Variants in OR5K1 observed in about 807,000 individuals in gnomAD.
The protein encoded by OR5K1 is olfactory receptor 5K1.
In OR5K1, 7 loss-of-function variants were observed where a neutral mutation model predicts 10.4. That is an observed-to-expected ratio of 0.67 (90% CI 0.38 to 1.26). The LOEUF (loss-of-function observed/expected upper bound fraction) is 1.26. Among genes scored for constraint, OR5K1 ranks in the 50% most tolerant of loss-of-function variants. OR5K1 has a pLI of 0.02. For missense variants in OR5K1, 435 were observed against 366.2 expected (o/e 1.19, Z -1.53); for synonymous variants, 135 against 128.5 (o/e 1.05, Z -0.34).
In OR5K1 at chr3:98,469,690, C is replaced by G; in HGVS notation, c.114C>G (p.Thr38=). 2 of 1,613,682 alleles carry G rather than the reference C, an allele frequency of 1.2e-6. No individual in the cohort carries two copies. Among genetic ancestry groups the G allele is most frequent in the South Asian group, 2.2e-5 (2 of 91,064 alleles). Residue 38 remains threonine (T), a synonymous_variant, in exon 2 of 2, where the codon ACC becomes ACG. Transcript: ENST00000642057. ...FVVFFAIYLI[T]VVGNISLVAL... ...TGTTCTTTGCCATCTATCTGATCAC[C>G]GTGGTGGGGAATATTAGTTTGGTGG...
rs1280956386 is a variant in OR5K1, at chr3:98,472,321, GCAT to G, written c.*1822_*1824del. 2 of 151,818 alleles carry G rather than the reference GCAT, an allele frequency of 1.3e-5. No homozygotes were observed. The highest frequency in any genetic ancestry group is 4.8e-5 in the African/African-American group (2 of 41,370). The allele number at this position is 151,818 out of a possible 1,614,324, so 9.4% of individuals were successfully genotyped here. On this transcript the variant is annotated 3_prime_UTR_variant, in exon 2 of 2. Transcript: ENST00000642057. Reference sequence around the variant, plus strand: ...CAGTGGGTCCAGGAAATGTTGAAATGCATCATTTTTGCACTTCCGATGCTACAC... The same window carrying G: ...CAGTGGGTCCAGGAAATGTTGAAATGCATTTTTGCACTTCCGATGCTACAC...
chr3:98,469,757 A>T lies in OR5K1; in HGVS notation c.181A>T (p.Ile61Phe). Reference sequence around the variant, plus strand: ...CCGTCGGCTTCACACACCAATGTACATCTTTCTGGGAAATCTGGCTCTTGT... The same window carrying T: ...CCGTCGGCTTCACACACCAATGTACTTCTTTCTGGGAAATCTGGCTCTTGT... ...THRRLHTPMY[I>F]FLGNLALVDS... The change falls in exon 2 of 2, where the codon ATC becomes TTC. Residue 61 changes from isoleucine (I) to phenylalanine (F), a missense_variant. Coordinates refer to ENST00000642057, the MANE Select transcript of OR5K1 (RefSeq NM_001004736.4). 1 of 1,613,788 alleles carries T rather than the reference A, an allele frequency of 6.2e-7. No homozygotes were observed.
rs1312974506 is a variant in OR5K1 at position 98,471,421 on chromosome 3, C to G, written c.*918C>G. ...TTTATCTAATTTTTTTTTCTTTTCA[C>G]TATTGCAAAACCTGAAGTTGGTATT... On this transcript the variant is annotated 3_prime_UTR_variant, in exon 2 of 2. Transcript: ENST00000642057. The G allele has an allele frequency of 6.6e-6, 1 of 151,744 alleles. No individual in the cohort carries two copies. Among genetic ancestry groups the G allele is most frequent in the African/African-American group, 2.4e-5 (1 of 41,324 alleles). The allele number at this position is 151,744 out of a possible 1,614,324, so 9.4% of individuals were successfully genotyped here. A position where few individuals can be genotyped will look rare whatever the true frequency, so the allele number is the denominator to read the frequency against.
intron 1 of OR5K1, among the ~76,000 whole-genome samples, chr3:98,468,530 T>C (rs958011847): frequency 1.3e-5 from 2 of 152,106 alleles, no homozygotes; most frequent in South Asian, 4.1e-4. Flanking sequence ...ATTCTGTCTT[T>C]ATAAATTTGA....
At chr3:98,465,115 G>T (rs978459023) in intron 1 of OR5K1, among the ~76,000 whole-genome samples, 1 of 152,014 alleles carries the variant, frequency 6.6e-6, no homozygotes. Flanking sequence ...AAAAATAATT[G>T]ACCTCTAATT....
intron 1 of OR5K1, among the ~76,000 whole-genome samples, chr3:98,464,716 G>C (rs1053503943): frequency 2.6e-5 from 4 of 152,186 alleles, no homozygotes; most frequent in African/African-American, 9.7e-5. Flanking sequence ...ACATTTGAAA[G>C]AGTAAAAGTT....
chr3:98,471,983 C>T lies in OR5K1; in HGVS notation c.*1480C>T, dbSNP rs78443530. 6.6e-6 allele frequency: 1 copy of T among 151,936 alleles called. No homozygotes were observed. The highest frequency in any genetic ancestry group is 1.5e-5 in the Non-Finnish European group (1 of 67,946). The allele number at this position is 151,936 out of a possible 1,614,324, so 9.4% of individuals were successfully genotyped here. On this transcript the variant is annotated 3_prime_UTR_variant, in exon 2 of 2. Transcript: ENST00000642057. ...AAATTCCATCAATTTAGGATTTACC[C>T]AACACTACCTACATCCTTCCTTCAT... is the stretch of plus-strand genomic sequence containing the variant.
At chr3:98,465,918 T>G (rs536059178) in intron 1 of OR5K1, among the ~76,000 whole-genome samples, 8 of 152,008 alleles carry the variant, frequency 5.3e-5, no homozygotes, top group African/African-American at 1.7e-4. Flanking sequence ...TTTATTATAC[T>G]TTAAGTTTTA....
At chr3:98,469,394 G>A in intron 1 of OR5K1, 172 bp from the exon 2 acceptor site, 1 of 610,000 alleles carries the variant, frequency 1.6e-6, no homozygotes, top group Non-Finnish European at 2.8e-6. Flanking sequence ...ACTAGCCAAA[G>A]AGGTAATTCC....
chr3:98,464,630 T>A (rs1171148360), intron 1 of OR5K1, among the ~76,000 whole-genome samples: 2 of 152,172 alleles, frequency 1.3e-5, no homozygotes, highest in East Asian at 3.9e-4. Context: ...GAGTAGATAA[T>A]GAAAGTTTTT....
At chr3:98,465,286 A>G (rs1281764231) in intron 1 of OR5K1, among the ~76,000 whole-genome samples, 6 of 152,170 alleles carry the variant, frequency 3.9e-5, no homozygotes, top group Non-Finnish European at 1.5e-5. Context: ...TATCATTACA[A>G]TAATCTTCAA....
chr3:98,469,995 T>C lies in OR5K1; in HGVS notation c.419T>C (p.Leu140Pro). 1 of 1,613,682 alleles carries C rather than the reference T, an allele frequency of 6.2e-7. No individual in the cohort carries two copies. Among genetic ancestry groups the C allele is most frequent in the Non-Finnish European group, 8.5e-7 (1 of 1,179,786 alleles). ...LQYHIMMSKKLCIQMTTGAFI... is the reference protein window; with the variant it reads ...LQYHIMMSKKPCIQMTTGAFI... ...TACCACATCATGATGTCCAAGAAAC[T>C]CTGCATTCAGATGACCACAGGGGCC... The change falls in exon 2 of 2, where the codon CTC (leucine) becomes CCC (proline). Residue 140 changes from leucine to proline, a missense_variant. Transcript: ENST00000642057.
At position 98,470,531 on chromosome 3, in the gene OR5K1, T is replaced by A; in HGVS notation, c.*28T>A. 7.5e-7 allele frequency: 1 copy of A among 1,330,448 alleles called. No homozygotes were observed. The highest frequency in any genetic ancestry group is 1.1e-6 in the Non-Finnish European group (1 of 944,754). The allele number at this position is 1,330,448 out of a possible 1,614,324, so 82.4% of individuals were successfully genotyped here. ...TCAAGAAAGATGGAAACAAGTGACA[T>A]CTACTATAGCTTAATGATTTAAATG... On this transcript the variant is annotated 3_prime_UTR_variant, in exon 2 of 2. Coordinates refer to ENST00000642057, the MANE Select transcript of OR5K1 (RefSeq NM_001004736.4).
Position 98,470,333 on chromosome 3 carries a change from G to C in OR5K1, c.757G>C (p.Gly253Arg). ...CTTTTTGTCAGTTTCATTATTCTAT[G>C]GATCTCTTTTCTTCATGTACGTTAG... is the stretch of plus-strand genomic sequence containing the variant. ...SHFLSVSLFY[G>R]SLFFMYVRPN... The change falls in exon 2 of 2, where the codon GGA becomes CGA. Residue 253 changes from glycine (G) to arginine (R), a missense_variant. Gly to Arg is a moderately radical substitution (Grantham distance 125). Transcript: ENST00000642057. The C allele has an allele frequency of 5.6e-6, 9 of 1,613,176 alleles. No individual in the cohort carries two copies. The highest frequency in any genetic ancestry group is 6.8e-6 in the Non-Finnish European group (8 of 1,179,548).
chr3:98,471,267 G>A lies in OR5K1; in HGVS notation c.*764G>A, dbSNP rs956637367. 3 of 151,978 alleles carry A rather than the reference G, an allele frequency of 2.0e-5. No homozygotes were observed. Among genetic ancestry groups the A allele is most frequent in the Non-Finnish European group, 4.4e-5 (3 of 67,968 alleles). The allele number at this position is 151,978 out of a possible 1,614,324, so 9.4% of individuals were successfully genotyped here. Reference sequence around the variant, plus strand: ...TAGGATTTGAAGAGCTTCTTTGTTAGTGAGTTAGGTGCAATGTCTCTGTGC... The same window carrying A: ...TAGGATTTGAAGAGCTTCTTTGTTAATGAGTTAGGTGCAATGTCTCTGTGC... On this transcript the variant is annotated 3_prime_UTR_variant, in exon 2 of 2. Transcript: ENST00000642057.
chr3:98,470,626 G>A lies in OR5K1; in HGVS notation c.*123G>A, dbSNP rs1705436890. On this transcript the variant is annotated 3_prime_UTR_variant, in exon 2 of 2. Transcript: ENST00000642057. ...TTATAAGTAAAATTTTAATATATAA[G>A]AATACATTCAAATTAAGTGGCAAGA... The A allele has an allele frequency of 1.8e-6, 1 of 567,232 alleles. No homozygotes were observed. 35.1% of individuals were successfully genotyped at this position (567,232 alleles called of 1,614,324 possible).
chr3:98,468,701 C>A (rs1039910346), intron 1 of OR5K1, among the ~76,000 whole-genome samples: 4 of 152,068 alleles, frequency 2.6e-5, no homozygotes, highest in Admixed American at 2.6e-4. Context: ...TATATACCAC[C>A]ATTTATTTAT....
Position 98,470,583 on chromosome 3 carries a change from A to C in OR5K1, c.*80A>C. ...AGCAAAAACTTCCATGTGAAATTAC[A>C]CAGGGGAAATGCATAAATTATAAGT... On this transcript the variant is annotated 3_prime_UTR_variant, in exon 2 of 2. Transcript: ENST00000642057. 1.3e-6 allele frequency: 1 copy of C among 787,228 alleles called. No individual in the cohort carries two copies. Among genetic ancestry groups the C allele is most frequent in the Non-Finnish European group, 2.0e-6 (1 of 498,204 alleles). The allele number at this position is 787,228 out of a possible 1,614,324, so 48.8% of individuals were successfully genotyped here.
At chr3:98,463,628 A>T (rs1355561237) in intron 1 of OR5K1, among the ~76,000 whole-genome samples, 1 of 125,622 alleles carries the variant, frequency 8.0e-6, no homozygotes, top group Non-Finnish European at 1.7e-5. Flanking sequence ...TATAAACTTG[A>T]TGAAATGAAT....
Sources: allele counts gnomAD v4.1 joint callset (sites outside exome capture counted in the v4.1 genomes callset), GRCh38; gene constraint gnomAD v4.1.1; transcripts MANE v1.5; gene names NCBI Gene and HGNC (gene_info 2026-07-23, HGNC 2026-07-21).